GBP7: variants seen among roughly 807,000 people sequenced by gnomAD.
GBP7 encodes guanylate binding protein 7, also known as guanylate-binding protein 7.
In GBP7, 43 loss-of-function variants were observed where a neutral mutation model predicts 61.3. That is an observed-to-expected ratio of 0.70 (90% CI 0.55 to 0.91). The LOEUF is 0.91. GBP7 is among the 40% of genes least tolerant of loss of function. GBP7 has a pLI of 0.00. For missense variants in GBP7, 717 were observed against 740.5 expected, an observed-to-expected ratio of 0.97 and a Z score of 0.37; for synonymous variants, 267 against 271.0, an observed-to-expected ratio of 0.99 and a Z score of 0.14.
intron 3 of GBP7, among the ~76,000 whole-genome samples, chr1:89,161,569 T>A (rs764374247): frequency 1.2e-4 from 18 of 152,272 alleles, no homozygotes; most frequent in Non-Finnish European, 2.1e-4. Flanking sequence ...GCTGCATGTA[T>A]GTCTTCTTTT....
At position 89,152,475 on chromosome 1, in the gene GBP7, A is replaced by G; in HGVS notation, c.429-11T>C. The G allele has an allele frequency of 6.2e-7, 1 of 1,606,866 alleles. No homozygotes were observed. The highest frequency in any genetic ancestry group is 1.1e-5 in the South Asian group (1 of 90,898). On this transcript the variant is annotated splice_polypyrimidine_tract_variant and intron_variant, in intron 4 of 10. Transcript: ENST00000294671. ...AGCTCAGTCACGTAGCTGGGATCTC[A>G]GCTAAGGAAGGATAGCACCCTACAC...
At chr1:89,172,286 C>T (rs1270177236) in intron 1 of GBP7, among the ~76,000 whole-genome samples, 1 of 152,208 alleles carries the variant, frequency 6.6e-6, no homozygotes, top group African/African-American at 2.4e-5. Flanking sequence ...AACTAATCTA[C>T]ACTCCTTATT....
At position 89,171,787 on chromosome 1, in the gene GBP7, C is replaced by G. The variant is rs761963673; in HGVS notation, c.149G>C (p.Gly50Ala). Residue 50 changes from glycine (G) to alanine (A), a missense_variant, in exon 2 of 11, where the codon GGC becomes GCC. Transcript: ENST00000294671. ...VVAIVGLYRT[G>A]KSYLMNKLAG... ...CAGCTTGTTCATTAGGTAGGATTTG[C>G]CTGTGCGGTAGAGGCCCACAATTGC... is the stretch of plus-strand genomic sequence containing the variant. The G allele has an allele frequency of 6.2e-7, 1 of 1,613,338 alleles. No individual in the cohort carries two copies. The highest frequency in any genetic ancestry group is 1.7e-5 in the Admixed American group (1 of 59,912).
At chr1:89,151,539 A>G (rs2100647804) in intron 5 of GBP7, among the ~76,000 whole-genome samples, 1 of 152,360 alleles carries the variant, frequency 6.6e-6, no homozygotes, top group East Asian at 1.9e-4. Context: ...CAAAACAAAT[A>G]TTTGTTGAAA....
At chr1:89,174,694 T>G (rs1403637705) in intron 1 of GBP7, among the ~76,000 whole-genome samples, 1 of 152,234 alleles carries the variant, frequency 6.6e-6, no homozygotes, top group African/African-American at 2.4e-5. Flanking sequence ...CCTCTCACTG[T>G]GCATCAGCAT....
Position 89,172,970 on chromosome 1 carries a change from G to A in GBP7, c.-19-1016C>T, listed in dbSNP as rs185299870. Among the ~76,000 whole-genome samples, 164 of 151,994 alleles carry A rather than the reference G, an allele frequency of 1.1e-3. 1 individual carries two copies. The highest frequency in any genetic ancestry group is 3.6e-3 in the African/African-American group (149 of 41,480). ...CTCAGAGATATTAGTTTTATTCTGA[G>A]GGTTTCAATACTTTACTGTCAATAT... On this transcript the variant is annotated intron_variant, in intron 1 of 10. Coordinates refer to ENST00000294671, the MANE Select transcript of GBP7 (RefSeq NM_207398.3).
Position 89,164,778 on chromosome 1 carries a change from G to A in GBP7, c.271C>T (p.His91Tyr), listed in dbSNP as rs369178248. 5 of 1,613,858 alleles carry A rather than the reference G, an allele frequency of 3.1e-6. No homozygotes were observed. Among genetic ancestry groups the A allele is most frequent in the Middle Eastern group, 3.3e-4 (2 of 6,080 alleles). The change falls in exon 3 of 11, where the codon CAC becomes TAC. Residue 91 changes from histidine to tyrosine, a missense_variant. By Grantham distance (83) the His-to-Tyr change is moderately conservative. Coordinates refer to ENST00000294671, the MANE Select transcript of GBP7 (RefSeq NM_207398.3). ...TCCGTGTCCAGAAGGATCAGGGTGT[G>A]GTTTGGCTTGGAGGGGTGGGGCACA... ...WCVPHPSKPN[H>Y]TLILLDTEGL...
At chr1:89,148,063 T>G (rs1682109771) in intron 7 of GBP7, among the ~76,000 whole-genome samples, 1 of 152,186 alleles carries the variant, frequency 6.6e-6, no homozygotes, top group Non-Finnish European at 1.5e-5. Flanking sequence ...AGTAGTGTCC[T>G]TAGAGAACAC....
chr1:89,175,660 A>AT (rs1647721198), intron 1 of GBP7, among the ~76,000 whole-genome samples: 1 of 152,216 alleles, frequency 6.6e-6, no homozygotes, highest in South Asian at 2.1e-4. Flanking sequence ...GATAACAGTA[A>AT]TTTAAGATGG....
chr1:89,140,459 T>TAA (rs1167880028), intron 9 of GBP7, among the ~76,000 whole-genome samples: 1 of 49,618 alleles, frequency 2.0e-5, no homozygotes, highest in Non-Finnish European at 4.1e-5. Flanking sequence ...TAAAAAAAAC[T>TAA]GAAAAAAAAA....
Position 89,132,298 on chromosome 1 carries a change from G to A in GBP7, c.1768C>T (p.Pro590Ser). The A allele has an allele frequency of 6.2e-7, 1 of 1,613,838 alleles. No individual in the cohort carries two copies. The highest frequency in any genetic ancestry group is 8.5e-7 in the Non-Finnish European group (1 of 1,179,868). The change falls in exon 11 of 11, where the codon CCC becomes TCC. Residue 590 changes from proline (P) to serine (S), a missense_variant. By Grantham distance (74) the Pro-to-Ser change is moderately conservative (BLOSUM62 -1). Coordinates refer to ENST00000294671, the MANE Select transcript of GBP7 (RefSeq NM_207398.3). ...EQIEAAENEE[P>S]SVFSQILDVA... ...TCAAGAATCTGTGAAAACACTGAGG[G>A]CTCTTCATTTTCAGCTGCTTCAATT...
intron 8 of GBP7, among the ~76,000 whole-genome samples, chr1:89,146,046 A>G (rs573006681): frequency 6.6e-6 from 1 of 152,316 alleles, no homozygotes; most frequent in South Asian, 2.1e-4. Flanking sequence ...GCATCATACT[A>G]TCTGACTTCA....
chr1:89,145,445 A>T (rs1041057561), intron 8 of GBP7, among the ~76,000 whole-genome samples: 1 of 152,138 alleles, frequency 6.6e-6, no homozygotes, highest in African/African-American at 2.4e-5. Context: ...ATATGCATAT[A>T]TATCACATTT....
At position 89,160,440 on chromosome 1, in the gene GBP7, A is replaced by G. The variant is rs1682414878; in HGVS notation, c.318+4291T>C. ...GGAGGAAGCAAAGTGAAGAACACAG[A>G]TTTCACAGATGGGATGCCTGGCTTA... On this transcript the variant is annotated intron_variant, in intron 3 of 10. Transcript: ENST00000294671. 2.0e-5 allele frequency among the ~76,000 whole-genome samples: 3 copies of G among 152,162 alleles called. No individual in the cohort carries two copies. The South Asian group carries it at 6.2e-4, about 32-fold the overall frequency.
Position 89,140,744 on chromosome 1 carries a change from A to C in GBP7, c.1468+802T>G, listed in dbSNP as rs375309242. On this transcript the variant is annotated intron_variant, in intron 9 of 10. Coordinates refer to ENST00000294671, the MANE Select transcript of GBP7 (RefSeq NM_207398.3). Reference sequence around the variant, plus strand: ...AATCATTCTACCATAAAGACACATGAATGTGCATGTTCATCGGTGCACTAT... The same window carrying C: ...AATCATTCTACCATAAAGACACATGCATGTGCATGTTCATCGGTGCACTAT... Among the ~76,000 whole-genome samples, 56 of 152,292 alleles carry C rather than the reference A, an allele frequency of 3.7e-4. 6 individuals are homozygous for C. The highest frequency in any genetic ancestry group is 9.2e-4 in the Admixed American group (14 of 15,294).
At chr1:89,140,430 T>TA (rs1681909164) in intron 9 of GBP7, among the ~76,000 whole-genome samples, 3 of 131,194 alleles carry the variant, frequency 2.3e-5, no homozygotes. Context: ...CCCTAAAACT[T>TA]AAAGTATAAT....
chr1:89,172,178 G>A (rs1029941531), intron 1 of GBP7, among the ~76,000 whole-genome samples: 1 of 152,140 alleles, frequency 6.6e-6, no homozygotes, highest in Non-Finnish European at 1.5e-5. Context: ...GGTATGAAGA[G>A]TGCCCATACA....
chr1:89,168,974 T>TAA (rs374172595), intron 2 of GBP7, among the ~76,000 whole-genome samples: 3,121 of 68,338 alleles, frequency 0.046, 36 homozygotes, highest in Middle Eastern at 0.092. Flanking sequence ...CGCCTCAAGT[T>TAA]AAAAAAAAAA....
rs1213646622 is a variant in GBP7 at position 89,133,249 on chromosome 1, C to T, written c.1662+9G>A. The T allele has an allele frequency of 6.2e-7, 1 of 1,606,718 alleles. No homozygotes were observed. Among genetic ancestry groups the T allele is most frequent in the Non-Finnish European group, 8.5e-7 (1 of 1,174,828 alleles). On this transcript the variant is annotated intron_variant, in intron 10 of 10. Transcript: ENST00000294671. ...GCCTCAAGCACTGCCAAGCTTCATC[C>T]AGACTCACCTTCATCTTGTGACTCA...
Sources: gnomAD v4.1 joint callset for allele counts (sites outside exome capture counted in the v4.1 genomes callset) on GRCh38, gnomAD v4.1.1 for gene constraint, MANE v1.5 for transcripts, NCBI Gene and HGNC (gene_info 2026-07-23, HGNC 2026-07-21) for gene names.